The following ARHGAP24 variants were observed in gnomAD, a reference collection of about 807,000 sequenced individuals.
ARHGAP24 encodes Rho GTPase activating protein 24, also known as rho GTPase-activating protein 24.
A neutral mutation model predicts 76.4 loss-of-function variants in ARHGAP24; 50 were observed. That is an observed-to-expected ratio of 0.65 (90% CI 0.52 to 0.83). The LOEUF (loss-of-function observed/expected upper bound fraction) is 0.83, where lower values mean the gene tolerates loss of function less well. ARHGAP24 is among the 40% of genes least tolerant of loss of function. The pLI, the probability that ARHGAP24 is intolerant of heterozygous loss-of-function variation, is 0.00. For missense variants in ARHGAP24, 930 were observed against 914.2 expected (o/e 1.02, Z -0.22); for synonymous variants, 345 against 323.3 (o/e 1.07, Z -0.72).
chr4:85,594,376 A>G (rs978590350), intron 2 of ARHGAP24, among the ~76,000 whole-genome samples: 1 of 152,048 alleles, frequency 6.6e-6, no homozygotes, highest in Non-Finnish European at 1.5e-5. Context: ...TCCAAACATA[A>G]GAGCATATCA....
At chr4:85,522,484 T>A (rs1724819897) in intron 1 of ARHGAP24, among the ~76,000 whole-genome samples, 1 of 152,208 alleles carries the variant, frequency 6.6e-6, no homozygotes, top group Non-Finnish European at 1.5e-5. Context: ...GTGAAAGCAG[T>A]GGTGATGATA....
intron 5 of ARHGAP24, among the ~76,000 whole-genome samples, chr4:85,942,946 C>T (rs1216395654): frequency 6.6e-6 from 1 of 151,994 alleles, no homozygotes; most frequent in Non-Finnish European, 1.5e-5. Context: ...GAAATGTTTT[C>T]ATATTAATAG....
intron 3 of ARHGAP24, among the ~76,000 whole-genome samples, chr4:85,856,116 A>G (rs967038880): frequency 5.3e-5 from 8 of 152,264 alleles, no homozygotes; most frequent in African/African-American, 1.2e-4. Flanking sequence ...TCTTGCCATC[A>G]TTTGATATTA....
intron 3 of ARHGAP24, among the ~76,000 whole-genome samples, chr4:85,899,648 C>A (rs373386640): frequency 6.6e-6 from 1 of 152,114 alleles, no homozygotes; most frequent in African/African-American, 2.4e-5. Context: ...AATATTAAAC[C>A]GAAACCAAAC....
chr4:85,694,671 G>A (rs1054480645), intron 2 of ARHGAP24, among the ~76,000 whole-genome samples: 4 of 152,092 alleles, frequency 2.6e-5, no homozygotes, highest in Non-Finnish European at 5.9e-5. Context: ...CTCTGTGTGT[G>A]TGTGTGTATA....
intron 1 of ARHGAP24, among the ~76,000 whole-genome samples, chr4:85,515,902 G>A (rs1481779): frequency 0.55 from 82,946 of 152,026 alleles, 25,398 homozygotes; most frequent in East Asian, 0.8. Flanking sequence ...CCATCAATAC[G>A]TAACAGTGTT....
At chr4:85,877,515 C>T (rs1208539442) in intron 3 of ARHGAP24, among the ~76,000 whole-genome samples, 1 of 120,602 alleles carries the variant, frequency 8.3e-6, no homozygotes, top group Non-Finnish European at 1.8e-5. Flanking sequence ...GTCCCAGCTA[C>T]TCAGGAGGCT....
chr4:85,661,104 C>T (rs1163369528), intron 2 of ARHGAP24, among the ~76,000 whole-genome samples: 1 of 152,162 alleles, frequency 6.6e-6, no homozygotes, highest in East Asian at 1.9e-4. Flanking sequence ...TAGGAACATA[C>T]TCAGATTTTG....
intron 3 of ARHGAP24, among the ~76,000 whole-genome samples, chr4:85,870,454 A>C (rs887126554): frequency 1.3e-5 from 2 of 152,132 alleles, no homozygotes; most frequent in Non-Finnish European, 2.9e-5. Flanking sequence ...CTGACCTTTC[A>C]TCACTTATCT....
At chr4:85,799,962 A>C (rs900210840) in intron 3 of ARHGAP24, among the ~76,000 whole-genome samples, 2 of 152,224 alleles carry the variant, frequency 1.3e-5, no homozygotes, top group African/African-American at 4.8e-5. Context: ...CAAAGTCATA[A>C]ATGGCAAAGA....
intron 3 of ARHGAP24, among the ~76,000 whole-genome samples, chr4:85,877,005 A>C (rs1260069961): frequency 6.6e-6 from 1 of 152,252 alleles, no homozygotes; most frequent in South Asian, 2.1e-4. Flanking sequence ...AAACTACTAC[A>C]TTATCATTAG....
At chr4:85,932,558 G>C (rs1736399344) in intron 4 of ARHGAP24, among the ~76,000 whole-genome samples, 1 of 151,392 alleles carries the variant, frequency 6.6e-6, no homozygotes, top group Non-Finnish European at 1.5e-5. Context: ...GGAAGGCAGT[G>C]CCTGGGAAGA....
At chr4:85,496,670 G>A (rs1723597031) in intron 1 of ARHGAP24, among the ~76,000 whole-genome samples, 1 of 152,178 alleles carries the variant, frequency 6.6e-6, no homozygotes, top group Admixed American at 6.5e-5. Context: ...AAGCTCCCGG[G>A]TATATTAAGT....
intron 3 of ARHGAP24, among the ~76,000 whole-genome samples, chr4:85,735,076 T>C (rs1480332197): frequency 6.6e-6 from 1 of 152,172 alleles, no homozygotes; most frequent in African/African-American, 2.4e-5. Context: ...TCCCACCTTT[T>C]CAGGAACCGT....
At chr4:85,695,344 C>T (rs1236104758) in intron 2 of ARHGAP24, among the ~76,000 whole-genome samples, 1 of 152,196 alleles carries the variant, frequency 6.6e-6, no homozygotes, top group Admixed American at 6.5e-5. Context: ...TTTGCCTTCA[C>T]CTAACATGTT....
intron 3 of ARHGAP24, among the ~76,000 whole-genome samples, chr4:85,784,949 ATCTATCTATCTC>A (rs34358386): frequency 0.017 from 1,612 of 96,658 alleles, 30 homozygotes; most frequent in African/African-American, 0.051. Flanking sequence ...CTATCTATCT[ATCTATCTATCTC>A]TCTATCTCTC....
intron 5 of ARHGAP24, among the ~76,000 whole-genome samples, chr4:85,949,240 C>G (rs1181809969): frequency 6.6e-6 from 1 of 152,184 alleles, no homozygotes; most frequent in African/African-American, 2.4e-5. Flanking sequence ...AATACTAATA[C>G]CCAAAACATA....
intron 3 of ARHGAP24, among the ~76,000 whole-genome samples, chr4:85,894,984 AAAAACAAAAC>A (rs1734075556): frequency 9.6e-5 from 2 of 20,858 alleles, no homozygotes; most frequent in Non-Finnish European, 2.2e-4. Context: ...AAAAAAAAAA[AAAAACAAAAC>A]AAAAAGCAAA....
chr4:85,857,460 G>A (rs894133113), intron 3 of ARHGAP24, among the ~76,000 whole-genome samples: 1 of 152,198 alleles, frequency 6.6e-6, no homozygotes, highest in African/African-American at 2.4e-5. Flanking sequence ...TTAAGAAAGT[G>A]TGGGTTATCA....
Sources: allele counts gnomAD v4.1 joint callset (sites outside exome capture counted in the v4.1 genomes callset), GRCh38; gene constraint gnomAD v4.1.1; transcripts MANE v1.5; gene names NCBI Gene and HGNC (gene_info 2026-07-23, HGNC 2026-07-21).